RNF44: variants seen among roughly 807,000 people sequenced by gnomAD.
RNF44 encodes ring finger protein 44.
A neutral mutation model predicts 53.6 loss-of-function variants in RNF44; 25 were observed. The observed-to-expected ratio is 0.47, with a 90% CI of 0.34 to 0.65. RNF44 has a LOEUF of 0.65. RNF44 is among the 30% of genes least tolerant of loss of function. RNF44 has a pLI of 0.01. For missense variants in RNF44, 581 were observed against 595.5 expected (o/e 0.98, Z 0.25); for synonymous variants, 282 against 252.2 (o/e 1.12, Z -1.12).
Position 176,528,912 on chromosome 5 carries a change from T to C in RNF44, c.*116A>G. The C allele has an allele frequency of 1.1e-6, 1 of 947,036 alleles. No homozygotes were observed. Among genetic ancestry groups the C allele is most frequent in the Middle Eastern group, 3.4e-4 (1 of 2,976 alleles). The allele number at this position is 947,036 out of a possible 1,614,324, so 58.7% of individuals were successfully genotyped here. On this transcript the variant is annotated 3_prime_UTR_variant, in exon 11 of 11. Coordinates refer to ENST00000274811, the MANE Select transcript of RNF44 (RefSeq NM_014901.5). ...CTGACCCTGGCACCAGCTCTGGAAA[T>C]GCAGGCAGGAGCGAAGGGGCAGGCC...
rs1410820589 is a variant in RNF44, at chr5:176,529,610, G to C, written c.1049C>G (p.Ala350Gly). ...TGCTTTGGTGAGACCCCGGGGCTTG[G>C]CATCTCCCAGCCGCTCGGCCAGGTT... ...LLNLAERLGD[A>G]KPRGLTKADI... The change falls in exon 9 of 11, where the codon GCC becomes GGC. Residue 350 changes from alanine (A) to glycine (G), a missense_variant. Transcript: ENST00000274811. 6.2e-7 allele frequency: 1 copy of C among 1,613,902 alleles called. No individual in the cohort carries two copies. The highest frequency in any genetic ancestry group is 1.7e-5 in the Admixed American group (1 of 60,024).
chr5:176,529,261 C>G (rs1489733904), intron 10 of RNF44, 27 bp downstream of exon 10: 2 of 1,602,074 alleles, frequency 1.2e-6, no homozygotes, highest in Admixed American at 3.3e-5. Context: ...ATGAGGAATA[C>G]CCAGGAGCAG....
chr5:176,531,109 C>A lies in RNF44; in HGVS notation c.466-88G>T. ...ATGCCACCCAGCAAAAGGCCCCCAC[C>A]GGGCACACACCCAGCAGCTCCAGGG... On this transcript the variant is annotated intron_variant, in intron 4 of 10. Transcript: ENST00000274811. The surrounding 1 kb of genome is among the most constrained non-coding windows in gnomAD (Gnocchi z 4.2). 2 of 943,440 alleles carry A rather than the reference C, an allele frequency of 2.1e-6. No individual in the cohort carries two copies. Among genetic ancestry groups the A allele is most frequent in the Non-Finnish European group, 3.0e-6 (2 of 674,064 alleles). The allele number at this position is 943,440 out of a possible 1,614,324, so 58.4% of individuals were successfully genotyped here. A position where few individuals can be genotyped will look rare whatever the true frequency, so the allele number is the denominator to read the frequency against.
rs988494043 is a variant in RNF44, at chr5:176,531,793, G to A, written c.298-163C>T. The A allele has an allele frequency of 2.5e-5, 22 of 887,816 alleles. No individual in the cohort carries two copies. Among genetic ancestry groups the A allele is most frequent in the Middle Eastern group, 3.3e-4 (1 of 3,046 alleles). 55.0% of individuals were successfully genotyped at this position (887,816 alleles called of 1,614,324 possible). A position where few individuals can be genotyped will look rare whatever the true frequency, so the allele number is the denominator to read the frequency against. On this transcript the variant is annotated intron_variant, in intron 3 of 10. Coordinates refer to ENST00000274811, the MANE Select transcript of RNF44 (RefSeq NM_014901.5). The surrounding 1 kb of genome is among the most constrained non-coding windows in gnomAD (Gnocchi z 4.2). The stretch of plus-strand genomic sequence containing the variant: ...ACTGTGCCTCTACTCCCAGGCCCCC[G>A]GGGCAGAGAAAGCCCCGTGGGAATC...
chr5:176,532,747 CAAAAAAAAAA>C (rs3051911), intron 1 of RNF44, among the ~76,000 whole-genome samples: 2 of 72,592 alleles, frequency 2.8e-5, no homozygotes, highest in South Asian at 1.3e-3. Flanking sequence ...ACTCCCGTCT[CAAAAAAAAAA>C]AAAAAAAAAG....
rs1279531636 is a variant in RNF44, at chr5:176,528,762, C to T, written c.*266G>A. The T allele has an allele frequency of 1.1e-5, 6 of 552,984 alleles. No homozygotes were observed. The highest frequency in any genetic ancestry group is 9.5e-5 in the African/African-American group (5 of 52,532). 34.3% of individuals were successfully genotyped at this position (552,984 alleles called of 1,614,324 possible). On this transcript the variant is annotated 3_prime_UTR_variant, in exon 11 of 11. Transcript: ENST00000274811. ...GGAAAAGGAGGGACCTGAGGGTGCA[C>T]AGGAGGGAGACCCGATCAGGGACAC...
chr5:176,532,141 G>C lies in RNF44; in HGVS notation c.160C>G (p.Pro54Ala). The C allele has an allele frequency of 6.3e-7, 1 of 1,575,076 alleles. No homozygotes were observed. The highest frequency in any genetic ancestry group is 8.6e-7 in the Non-Finnish European group (1 of 1,162,724). ...ASPPARDERL[P>A]SQQPPSRPPH... ...GGTCGGGACGGCGGCTGCTGGGAGG[G>C]TAAGCGCTCATCCCGGGCAGGCGGG... Residue 54 changes from proline to alanine, a missense_variant, in exon 3 of 11, where the codon CCC becomes GCC. Coordinates refer to ENST00000274811, the MANE Select transcript of RNF44 (RefSeq NM_014901.5).
Position 176,532,423 on chromosome 5 carries a change from A to G in RNF44, c.50T>C (p.Val17Ala), listed in dbSNP as rs1756774302. The G allele has an allele frequency of 1.2e-6, 2 of 1,600,864 alleles. No individual in the cohort carries two copies. The highest frequency in any genetic ancestry group is 2.3e-5 in the East Asian group (1 of 44,196). The change falls in exon 2 of 11, where the codon GTG (valine) becomes GCG (alanine). Residue 17 changes from valine to alanine, a missense_variant. This residue lies in a region of RNF44 where 387 missense variants were observed against 366.0 expected (regional missense o/e 1.06). Coordinates refer to ENST00000274811, the MANE Select transcript of RNF44 (RefSeq NM_014901.5). ...TCCCGCAGAGAATCGCCGCTGGCCCACGGGGGCGGAGGGTGGCCACCTAGT... is the reference window on the plus strand; with the variant it reads ...TCCCGCAGAGAATCGCCGCTGGCCCGCGGGGGCGGAGGGTGGCCACCTAGT... ...AVTRWPPSAP[V>A]GQRRFSAGPG... is the part of the protein sequence containing the mutation.
Position 176,529,717 on chromosome 5 carries a change from G to A in RNF44, c.1014+14C>T. On this transcript the variant is annotated intron_variant, in intron 8 of 10. Coordinates refer to ENST00000274811, the MANE Select transcript of RNF44 (RefSeq NM_014901.5). ...CTCCCAAACCCCACCTCCCAGCATGGGGCTCCATGGGACCTCATAGTTCTC... is the reference window on the plus strand; with the variant it reads ...CTCCCAAACCCCACCTCCCAGCATGAGGCTCCATGGGACCTCATAGTTCTC... 1 of 1,610,784 alleles carries A rather than the reference G, an allele frequency of 6.2e-7. No individual in the cohort carries two copies. The highest frequency in any genetic ancestry group is 8.5e-7 in the Non-Finnish European group (1 of 1,178,402).
intron 1 of RNF44, among the ~76,000 whole-genome samples, chr5:176,532,884 C>G (rs1561851446): frequency 6.6e-6 from 1 of 152,168 alleles, no homozygotes; most frequent in Non-Finnish European, 1.5e-5. Context: ...GCCCCTCCTC[C>G]GAGCCCTGGG....
chr5:176,532,346 A>T lies in RNF44; in HGVS notation c.107+20T>A. 1 of 1,596,442 alleles carries T rather than the reference A, an allele frequency of 6.3e-7. No homozygotes were observed. On this transcript the variant is annotated intron_variant, in intron 2 of 10. Coordinates refer to ENST00000274811, the MANE Select transcript of RNF44 (RefSeq NM_014901.5). The stretch of plus-strand genomic sequence containing the variant: ...CTGGCCCCCATGCCCCAGCACCAGG[A>T]CTGGGAGGCTCCTTCCTACCTTCCC...
chr5:176,536,523 G>A (rs1469747760), intron 1 of RNF44, among the ~76,000 whole-genome samples: 1 of 152,188 alleles, frequency 6.6e-6, no homozygotes, highest in African/African-American at 2.4e-5. Context: ...GCCCCGAGAG[G>A]GGCCTCCCTC....
Position 176,532,377 on chromosome 5 carries a change from C to G in RNF44, c.96G>C (p.Gln32His), listed in dbSNP as rs750487800. The change falls in exon 2 of 11, where the codon CAG (glutamine) becomes CAC (histidine). Residue 32 changes from glutamine (Q) to histidine (H), a missense_variant. Physicochemically the swap from Gln to His is conservative, Grantham distance 24. Around this residue, in one of 3 missense-constraint regions of RNF44, gnomAD observed 387 missense variants for 366.0 expected, o/e 1.06. Transcript: ENST00000274811. ...FSAGPGSTPGQLWGSPGLEGP... is the reference protein window; with the variant it reads ...FSAGPGSTPGHLWGSPGLEGP... ...AGGCTCCTTCCTACCTTCCCCAGAG[C>G]TGGCCCGGGGTGCTGCCAGGTCCCG... 2 of 1,609,178 alleles carry G rather than the reference C, an allele frequency of 1.2e-6. No homozygotes were observed. Among genetic ancestry groups the G allele is most frequent in the South Asian group, 2.2e-5 (2 of 90,614 alleles).
intron 6 of RNF44, 128 bp downstream of exon 6, chr5:176,530,454 G>A (rs1037396308): frequency 7.0e-5 from 80 of 1,137,220 alleles, no homozygotes; most frequent in Admixed American, 8.4e-5. Flanking sequence ...CAGCCGCCCC[G>A]GAGCCCACGT....
chr5:176,532,510 C>T lies in RNF44; in HGVS notation c.-38G>A, dbSNP rs1323697644. The T allele has an allele frequency of 6.6e-7, 1 of 1,524,712 alleles. No individual in the cohort carries two copies. The highest frequency in any genetic ancestry group is 8.8e-7 in the Non-Finnish European group (1 of 1,140,198). 94.4% of individuals were successfully genotyped at this position (1,524,712 alleles called of 1,614,324 possible). On this transcript the variant is annotated 5_prime_UTR_variant, in exon 2 of 11. Coordinates refer to ENST00000274811, the MANE Select transcript of RNF44 (RefSeq NM_014901.5). ...GGGGTGGAGGGGCTGGGCCGGGACTCACAACCCTAGGAGGCAAGGAGACAA... is the reference window on the plus strand; with the variant it reads ...GGGGTGGAGGGGCTGGGCCGGGACTTACAACCCTAGGAGGCAAGGAGACAA...
rs564782966 is a variant in RNF44 at position 176,530,109 on chromosome 5, T to A, written c.899A>T (p.Tyr300Phe). ...GAAGTAGGGCAGGAAGCTGGGGTAG[T>A]AGGGTGGTGGGGGTGGGGGTGGGGG... is the stretch of plus-strand genomic sequence containing the variant. ...PPPPPPPPPP[Y>F]YPSFLPYFLS... The change falls in exon 7 of 11, where the codon TAC (tyrosine) becomes TTC (phenylalanine). Residue 300 changes from tyrosine to phenylalanine, a missense_variant. Around this residue, in one of 3 missense-constraint regions of RNF44, gnomAD observed 183 missense variants for 198.6 expected, o/e 0.92. Transcript: ENST00000274811. 4.8e-6 allele frequency: 2 copies of A among 413,236 alleles called. No homozygotes were observed. Among genetic ancestry groups the A allele is most frequent in the South Asian group, 2.1e-4 (2 of 9,696 alleles). 25.6% of individuals were successfully genotyped at this position (413,236 alleles called of 1,614,324 possible). A position where few individuals can be genotyped will look rare whatever the true frequency, so the allele number is the denominator to read the frequency against.
chr5:176,532,326 C>T (rs768271479), intron 2 of RNF44, 40 bp downstream of exon 2: 6 of 1,568,702 alleles, frequency 3.8e-6, no homozygotes, highest in Non-Finnish European at 4.3e-6. Context: ...CCCTGCTGGC[C>T]CCCATGCCCC....
At chr5:176,536,649 G>C (rs1252650568) in intron 1 of RNF44, among the ~76,000 whole-genome samples, 1 of 152,190 alleles carries the variant, frequency 6.6e-6, no homozygotes, top group Non-Finnish European at 1.5e-5. Context: ...CGGACCATGT[G>C]CTCGGCGTGA....
upstream of RNF44, among the ~76,000 whole-genome samples, chr5:176,540,756 C>T (rs1329159366): frequency 6.6e-6 from 1 of 152,198 alleles, no homozygotes; most frequent in Non-Finnish European, 1.5e-5. Context: ...CTCAGTAAAT[C>T]CCCAGTCATT....
Sources: allele counts gnomAD v4.1 joint callset (sites outside exome capture counted in the v4.1 genomes callset), GRCh38; gene constraint gnomAD v4.1.1; regional missense constraint gnomAD v4.1.1; non-coding constraint Gnocchi (gnomAD v3.1); transcripts MANE v1.5; gene names NCBI Gene and HGNC (gene_info 2026-07-23, HGNC 2026-07-21).